The following MCTP1 variants were observed in gnomAD, a reference collection of about 807,000 sequenced individuals.
MCTP1 encodes multiple C2 and transmembrane domain-containing protein 1.
In MCTP1, 69 loss-of-function variants were observed where a neutral mutation model predicts 120.6. That is an observed-to-expected ratio of 0.57 (90% CI 0.47 to 0.70). The LOEUF (loss-of-function observed/expected upper bound fraction) is 0.70, where lower values mean the gene tolerates loss of function less well. MCTP1 is among the 30% of genes least tolerant of loss of function. The pLI is 0.00. For missense variants in MCTP1, 1,203 were observed against 1,248.8 expected (o/e 0.96, Z 0.55); for synonymous variants, 529 against 493.1 (o/e 1.07, Z -0.96).
intron 19 of MCTP1, among the ~76,000 whole-genome samples, chr5:94,728,464 A>G (rs1762524374): frequency 6.6e-6 from 1 of 152,212 alleles, no homozygotes; most frequent in Non-Finnish European, 1.5e-5. Flanking sequence ...TGGGATGGGC[A>G]TGGATTGAGG....
intron 1 of MCTP1, among the ~76,000 whole-genome samples, chr5:95,198,873 G>A (rs1024540463): frequency 6.6e-6 from 1 of 152,162 alleles, no homozygotes; most frequent in African/African-American, 2.4e-5. Context: ...TTTGGAACCT[G>A]GCAATTTGTA....
At chr5:94,719,020 C>T (rs1760224826) in intron 19 of MCTP1, among the ~76,000 whole-genome samples, 1 of 151,958 alleles carries the variant, frequency 6.6e-6, no homozygotes, top group South Asian at 2.1e-4. Context: ...TGTGCACAGC[C>T]CAAAAGACAT....
chr5:94,842,220 C>G (rs1791215443), intron 17 of MCTP1, among the ~76,000 whole-genome samples: 3 of 152,110 alleles, frequency 2.0e-5, no homozygotes, highest in Admixed American at 6.5e-5. Context: ...AAAACAGCTG[C>G]AAAATTAAAA....
rs1047793235 is a variant in MCTP1, at chr5:95,212,032, G to A, written c.720+71824C>T. ...AACCAAAATCAGAGGAGAACTGAAG[G>A]AGATAGAGACACAAAAAACCCTTCA... On this transcript the variant is annotated intron_variant, in intron 1 of 22. Transcript: ENST00000515393. 3.2e-4 allele frequency among the ~76,000 whole-genome samples: 49 copies of A among 152,268 alleles called. 1 individual carries two copies. The highest frequency in any genetic ancestry group is 8.8e-5 in the Non-Finnish European group (6 of 68,022).
intron 1 of MCTP1, among the ~76,000 whole-genome samples, chr5:95,119,552 C>T (rs754565702): frequency 2.6e-5 from 4 of 151,488 alleles, no homozygotes; most frequent in South Asian, 2.1e-4. Context: ...AAGTTTGAAA[C>T]GAAGAAAACA....
intron 2 of MCTP1, among the ~76,000 whole-genome samples, chr5:94,975,267 C>G (rs571448847): frequency 2.0e-5 from 3 of 152,060 alleles, no homozygotes; most frequent in Non-Finnish European, 4.4e-5. Context: ...GGCTGAAACT[C>G]TAGTCTTCAA....
rs1817192204 is a variant in MCTP1 at position 94,940,043 on chromosome 5, C to G, written c.1173+41G>C. 2.4e-6 allele frequency: 3 copies of G among 1,226,950 alleles called. No individual in the cohort carries two copies. The Admixed American group carries it at 5.9e-5, about 24-fold the overall frequency. The allele number at this position is 1,226,950 out of a possible 1,614,324, so 76.0% of individuals were successfully genotyped here. On this transcript the variant is annotated intron_variant, in intron 5 of 22. Transcript: ENST00000515393. ...GGTCCAGAGAAAGGCTCACAACTTT[C>G]AAACAAGAAAGAGCTCCTACTAGGC...
At chr5:95,005,048 G>A (rs1193009433) in intron 2 of MCTP1, among the ~76,000 whole-genome samples, 1 of 152,202 alleles carries the variant, frequency 6.6e-6, no homozygotes, top group Non-Finnish European at 1.5e-5. Context: ...GCTGCCCAAG[G>A]TCTTGGGAGC....
chr5:94,879,800 G>A (rs1412478221), intron 12 of MCTP1, among the ~76,000 whole-genome samples: 1 of 152,040 alleles, frequency 6.6e-6, no homozygotes, highest in Admixed American at 6.6e-5. Context: ...CGGGTCTTGG[G>A]GATCCCCAGA....
intron 2 of MCTP1, among the ~76,000 whole-genome samples, chr5:95,002,225 T>A (rs1165967511): frequency 1.3e-5 from 2 of 152,188 alleles, no homozygotes; most frequent in Non-Finnish European, 2.9e-5. Context: ...GGTAGAGTCT[T>A]CCTGGAGAAC....
chr5:94,879,585 G>A (rs1799626250), intron 12 of MCTP1, among the ~76,000 whole-genome samples: 1 of 151,988 alleles, frequency 6.6e-6, no homozygotes, highest in South Asian at 2.1e-4. Context: ...CTATCAAAAT[G>A]TACCCATGTT....
At chr5:95,254,588 A>AT (rs1197426720) in intron 1 of MCTP1, among the ~76,000 whole-genome samples, 1 of 152,172 alleles carries the variant, frequency 6.6e-6, no homozygotes, top group East Asian at 1.9e-4. Flanking sequence ...TCTATATGTC[A>AT]TTATGTTGAG....
chr5:95,254,116 T>A (rs1383289013), intron 1 of MCTP1, among the ~76,000 whole-genome samples: 1 of 152,176 alleles, frequency 6.6e-6, no homozygotes, highest in African/African-American at 2.4e-5. Context: ...CCCTTCCCTC[T>A]TGTATTTCTC....
intron 2 of MCTP1, among the ~76,000 whole-genome samples, chr5:95,001,965 G>T (rs1833817959): frequency 6.6e-6 from 1 of 152,156 alleles, no homozygotes; most frequent in Non-Finnish European, 1.5e-5. Flanking sequence ...GCTGGACCCA[G>T]GGCTCCCCTG....
intron 17 of MCTP1, among the ~76,000 whole-genome samples, chr5:94,813,949 T>C (rs1013518278): frequency 2.0e-5 from 3 of 152,172 alleles, no homozygotes; most frequent in Non-Finnish European, 4.4e-5. Context: ...AAGGACATAG[T>C]GTATGATTCC....
At chr5:95,121,277 C>CAAAAA (rs34423597) in intron 1 of MCTP1, among the ~76,000 whole-genome samples, 2 of 35,062 alleles carry the variant, frequency 5.7e-5, no homozygotes, top group Non-Finnish European at 9.1e-5. Context: ...GACTCCATCA[C>CAAAAA]AAAAAAAAAA....
At position 94,882,216 on chromosome 5, in the gene MCTP1, A is replaced by C. The variant is rs527710150; in HGVS notation, c.1933+6663T>G. ...ATAAAATGAATTAAGTAGCCCTCCTAGCAACTTTGATAAGGAAGCAGTCAA... is the reference window on the plus strand; with the variant it reads ...ATAAAATGAATTAAGTAGCCCTCCTCGCAACTTTGATAAGGAAGCAGTCAA... On this transcript the variant is annotated intron_variant, in intron 12 of 22. Coordinates refer to ENST00000515393, the MANE Select transcript of MCTP1 (RefSeq NM_024717.7). Among the ~76,000 whole-genome samples the C allele has an allele frequency of 5.9e-5, 9 of 152,290 alleles. No homozygotes were observed. In the East Asian group the frequency reaches 1.5e-3, roughly 26 times the overall value.
intron 1 of MCTP1, among the ~76,000 whole-genome samples, chr5:95,225,439 C>A (rs184056106): frequency 5.3e-5 from 8 of 152,262 alleles, no homozygotes; most frequent in African/African-American, 1.9e-4. Flanking sequence ...TAGGAACATA[C>A]AAGGAACTTT....
At chr5:94,857,682 C>A (rs993779339) in intron 17 of MCTP1, among the ~76,000 whole-genome samples, 2 of 151,666 alleles carry the variant, frequency 1.3e-5, no homozygotes, top group Non-Finnish European at 3.0e-5. Flanking sequence ...ATCCACAGGT[C>A]CTTCTGCTTA....
Sources: gnomAD v4.1 joint callset for allele counts (sites outside exome capture counted in the v4.1 genomes callset) on GRCh38, gnomAD v4.1.1 for gene constraint, MANE v1.5 for transcripts, NCBI Gene and HGNC (gene_info 2026-07-23, HGNC 2026-07-21) for gene names.